Variants in ANKS1B observed in about 807,000 individuals in gnomAD.
The protein encoded by ANKS1B is ankyrin repeat and sterile alpha motif domain containing 1B.
ANKS1B carries 36 observed loss-of-function variants against 148.3 expected under a neutral mutation model. The ratio of observed to expected loss-of-function variants is 0.24; its 90% CI spans 0.19 to 0.32. ANKS1B has a LOEUF of 0.32. Among genes scored for constraint, ANKS1B ranks in the 10% least tolerant of loss-of-function variants. The pLI is 1.00. For missense variants in ANKS1B, 1,157 were observed against 1,542.6 expected, an observed-to-expected ratio of 0.75 and a Z score of 4.19; for synonymous variants, 542 against 560.8, an observed-to-expected ratio of 0.97 and a Z score of 0.47.
At chr12:99,691,886 C>T (rs149769570) in intron 8 of ANKS1B, among the ~76,000 whole-genome samples, 1 of 152,118 alleles carries the variant, frequency 6.6e-6, no homozygotes, top group Non-Finnish European at 1.5e-5. Flanking sequence ...TTTTTTAAAT[C>T]ATGAAGTGTG....
At chr12:99,684,676 T>C (rs1442973137) in intron 8 of ANKS1B, among the ~76,000 whole-genome samples, 3 of 152,126 alleles carry the variant, frequency 2.0e-5, no homozygotes, top group Non-Finnish European at 4.4e-5. Context: ...AACTTCAAAC[T>C]ATACTATAAA....
chr12:99,534,730 G>C (rs1434594803), intron 9 of ANKS1B, among the ~76,000 whole-genome samples: 2 of 116,024 alleles, frequency 1.7e-5, no homozygotes, highest in Non-Finnish European at 3.4e-5. Flanking sequence ...TTTTTTTTGA[G>C]ATGGAGTCTC....
At chr12:99,195,683 CAG>C (rs2081303727) in intron 14 of ANKS1B, among the ~76,000 whole-genome samples, 2 of 151,864 alleles carry the variant, frequency 1.3e-5, no homozygotes, top group South Asian at 4.2e-4. Flanking sequence ...TGAAAGGAAA[CAG>C]AAAAAAGAAT....
At chr12:99,279,372 T>G (rs2078090686) in intron 12 of ANKS1B, among the ~76,000 whole-genome samples, 1 of 152,206 alleles carries the variant, frequency 6.6e-6, no homozygotes, top group Non-Finnish European at 1.5e-5. Flanking sequence ...ATTTTTAGTG[T>G]ACTTAGAGAA....
At chr12:98,957,317 ATTTATTTATTTATT>A (rs543138810) in intron 17 of ANKS1B, among the ~76,000 whole-genome samples, 3 of 43,512 alleles carry the variant, frequency 6.9e-5, no homozygotes, top group African/African-American at 2.1e-4. Context: ...TTAAATATTT[ATTTATTTATTTATT>A]TATTTATTTA....
At chr12:99,648,224 C>T (rs1366470511) in intron 9 of ANKS1B, 12 of 1,614,170 alleles carry the variant, frequency 7.4e-6, no homozygotes, top group Non-Finnish European at 1.0e-5. Flanking sequence ...AGCAGCCCCG[C>T]AATGGGCATG....
chr12:99,242,680 G>C (rs2089566911), intron 14 of ANKS1B, among the ~76,000 whole-genome samples: 1 of 152,070 alleles, frequency 6.6e-6, no homozygotes. Flanking sequence ...GCATGATTCT[G>C]GTACCAAAAC....
chr12:98,875,320 T>C (rs1269201023), intron 17 of ANKS1B, among the ~76,000 whole-genome samples: 1 of 152,210 alleles, frequency 6.6e-6, no homozygotes, highest in Non-Finnish European at 1.5e-5. Context: ...GCTGACCATG[T>C]AAATTCTCCC....
chr12:99,227,634 GTA>G (rs934015272), intron 14 of ANKS1B, among the ~76,000 whole-genome samples: 8 of 152,114 alleles, frequency 5.3e-5, no homozygotes, highest in Non-Finnish European at 1.0e-4. Context: ...CTCATGAAAA[GTA>G]TATACCATCA....
chr12:99,654,430 C>G (rs1165507659), intron 9 of ANKS1B, among the ~76,000 whole-genome samples: 1 of 152,178 alleles, frequency 6.6e-6, no homozygotes, highest in Non-Finnish European at 1.5e-5. Context: ...GATATTTTCA[C>G]CATGGCTTCA....
At chr12:98,917,251 C>A (rs2099795599) in intron 17 of ANKS1B, among the ~76,000 whole-genome samples, 2 of 152,184 alleles carry the variant, frequency 1.3e-5, no homozygotes, top group Non-Finnish European at 2.9e-5. Flanking sequence ...AGCGGTTAAG[C>A]AACTTTCTCA....
Position 99,714,527 on chromosome 12 carries a change from A to G in ANKS1B, c.1128+58395T>C, listed in dbSNP as rs1023455207. 9.9e-5 allele frequency among the ~76,000 whole-genome samples: 15 copies of G among 152,264 alleles called. 1 individual carries two copies. In the South Asian group the frequency reaches 2.9e-3, roughly 29 times the overall value. On this transcript the variant is annotated intron_variant, in intron 8 of 26. Coordinates refer to ENST00000683438, the MANE Select transcript of ANKS1B (RefSeq NM_001352186.2). ...GTCACATTTTGATAATTCTCACAAT[A>G]TTTCAAGTTTTTTATTATTATTATA...
intron 17 of ANKS1B, among the ~76,000 whole-genome samples, chr12:99,036,776 C>T (rs528185930): frequency 1.3e-5 from 2 of 152,244 alleles, no homozygotes; most frequent in African/African-American, 4.8e-5. Flanking sequence ...ATGCATGAGG[C>T]CTTATTATGC....
At chr12:99,123,521 G>A (rs542892603) in intron 15 of ANKS1B, among the ~76,000 whole-genome samples, 2 of 152,182 alleles carry the variant, frequency 1.3e-5, no homozygotes, top group African/African-American at 4.8e-5. Context: ...ATCATAAGGT[G>A]AAGTCCCACA....
At chr12:99,019,243 A>G (rs1309450391) in intron 17 of ANKS1B, among the ~76,000 whole-genome samples, 1 of 152,232 alleles carries the variant, frequency 6.6e-6, no homozygotes, top group African/African-American at 2.4e-5. Flanking sequence ...CAAAATTTAT[A>G]TAACATATAT....
At chr12:99,498,256 C>T (rs1033058970) in intron 10 of ANKS1B, among the ~76,000 whole-genome samples, 59 of 152,170 alleles carry the variant, frequency 3.9e-4, no homozygotes, top group Non-Finnish European at 8.8e-5. Flanking sequence ...AAACAGAAAC[C>T]TGATCATGCC....
intron 17 of ANKS1B, among the ~76,000 whole-genome samples, chr12:98,870,972 G>C (rs186589671): frequency 4.1e-4 from 62 of 152,284 alleles, no homozygotes; most frequent in African/African-American, 1.4e-3. Flanking sequence ...GGCAGGGAAG[G>C]TGCCACCATT....
intron 8 of ANKS1B, among the ~76,000 whole-genome samples, chr12:99,671,000 T>G (rs972848845): frequency 6.6e-6 from 1 of 152,132 alleles, no homozygotes; most frequent in African/African-American, 2.4e-5. Context: ...TCTACTGAGA[T>G]CAAAAAATAG....
At chr12:99,633,766 C>CA (rs1173739920) in intron 9 of ANKS1B, among the ~76,000 whole-genome samples, 1 of 152,092 alleles carries the variant, frequency 6.6e-6, no homozygotes, top group Non-Finnish European at 1.5e-5. Context: ...CTAGAATCTA[C>CA]AAAGAACTCA....
Sources: gnomAD v4.1 joint callset for allele counts (sites outside exome capture counted in the v4.1 genomes callset) on GRCh38, gnomAD v4.1.1 for gene constraint, MANE v1.5 for transcripts, NCBI Gene and HGNC (gene_info 2026-07-23, HGNC 2026-07-21) for gene names.